Variants in NAA60 observed in about 807,000 individuals in gnomAD.
NAA60 encodes N-alpha-acetyltransferase 60, NatF catalytic subunit, also known as N-alpha-acetyltransferase 60.
A neutral mutation model predicts 26.1 loss-of-function variants in NAA60; 8 were observed. The ratio of observed to expected loss-of-function variants is 0.31; its 90% confidence interval spans 0.18 to 0.55. The LOEUF is 0.55. NAA60 is among the 20% of genes least tolerant of loss of function. The pLI, the probability that NAA60 is intolerant of heterozygous loss-of-function variation, is 0.93. For synonymous variants in NAA60, 131 were observed against 122.5 expected, an observed-to-expected ratio of 1.07 and a Z score of -0.46; for missense variants, 290 against 311.3, an observed-to-expected ratio of 0.93 and a Z score of 0.51.
At position 3,450,686 on chromosome 16, in the gene NAA60, T is replaced by A. The variant is rs372215204; in HGVS notation, c.-7+2146T>A. On this transcript the variant is annotated intron_variant, in intron 2 of 7. Coordinates refer to ENST00000407558, the MANE Select transcript of NAA60 (RefSeq NM_001083601.3). ...CTGCACTCCAGCCTGGGCGACAGAG[T>A]GAGACTCCGTCTCAAAAAAAAAAAA... 2.4e-4 allele frequency among the ~76,000 whole-genome samples: 28 copies of A among 117,488 alleles called. No homozygotes were observed. In the East Asian group the frequency reaches 5.8e-3, roughly 25 times the overall value. 77.1% of individuals were successfully genotyped at this position (117,488 alleles called of 152,430 possible).
intron 2 of NAA60, chr16:3,458,098 C>T: frequency 2.0e-6 from 2 of 985,280 alleles, no homozygotes; most frequent in Non-Finnish European, 2.4e-6. Flanking sequence ...GCGGGCTCCG[C>T]GCGGTCCCAC....
rs1345851013 is a variant in NAA60 at position 3,450,296 on chromosome 16, G to A, written c.-7+1756G>A. 4 of 260,310 alleles carry A rather than the reference G, an allele frequency of 1.5e-5. No individual in the cohort carries two copies. In the Admixed American group the frequency reaches 1.6e-4, roughly 11 times the overall value. 16.1% of individuals were successfully genotyped at this position (260,310 alleles called of 1,614,324 possible). ...GTCAGCAAGCCACAGGGCTTGCCAT[G>A]AAGTGGTTTGTTCATGATTTGTTTC... On this transcript the variant is annotated intron_variant, in intron 2 of 7. Transcript: ENST00000407558.
chr16:3,484,156 G>T (rs1034173842), intron 6 of NAA60, among the ~76,000 whole-genome samples: 4 of 152,060 alleles, frequency 2.6e-5, no homozygotes, highest in African/African-American at 9.7e-5. Flanking sequence ...TCAGAATGTG[G>T]CCCAAAAAAA....
intron 4 of NAA60, among the ~76,000 whole-genome samples, chr16:3,481,206 A>G (rs964674435): frequency 6.6e-6 from 1 of 151,218 alleles, no homozygotes; most frequent in African/African-American, 2.4e-5. Flanking sequence ...GCTCACTGCA[A>G]CCTCCGCCTC....
chr16:3,471,611 G>A (rs1233521921), intron 2 of NAA60, among the ~76,000 whole-genome samples: 1 of 152,184 alleles, frequency 6.6e-6, no homozygotes, highest in African/African-American at 2.4e-5. Context: ...CACTTCCTGG[G>A]TCCAGCTCTC....
chr16:3,457,641 CT>C (rs2035063059), intron 2 of NAA60, among the ~76,000 whole-genome samples: 1 of 152,222 alleles, frequency 6.6e-6, no homozygotes, highest in African/African-American at 2.4e-5. Flanking sequence ...TGTGCACCTG[CT>C]TTCAGTTGTT....
intron 3 of NAA60, among the ~76,000 whole-genome samples, chr16:3,476,998 GC>G (rs1255634634): frequency 6.6e-6 from 1 of 151,854 alleles, no homozygotes; most frequent in Admixed American, 6.6e-5. Flanking sequence ...CCGAGATTGC[GC>G]CATTGCACTC....
At chr16:3,460,151 G>A (rs1426795490) in intron 2 of NAA60, among the ~76,000 whole-genome samples, 1 of 152,176 alleles carries the variant, frequency 6.6e-6, no homozygotes, top group Non-Finnish European at 1.5e-5. Flanking sequence ...AGTTAGGGCA[G>A]TGCATGGCCT....
intron 2 of NAA60, among the ~76,000 whole-genome samples, chr16:3,465,896 G>A (rs1044840134): frequency 5.3e-5 from 8 of 152,176 alleles, no homozygotes; most frequent in African/African-American, 1.7e-4. Context: ...ATGCAATTGC[G>A]ATAAATTAAT....
At chr16:3,479,300 G>C (rs2036680333) in intron 3 of NAA60, among the ~76,000 whole-genome samples, 171 bp from the exon 4 acceptor site, 1 of 152,194 alleles carries the variant, frequency 6.6e-6, no homozygotes, top group Non-Finnish European at 1.5e-5. Context: ...ACTGCTTTAA[G>C]AAGGTGGCTG....
chr16:3,449,554 G>A (rs1005805854), intron 2 of NAA60, among the ~76,000 whole-genome samples: 9 of 151,986 alleles, frequency 5.9e-5, no homozygotes, highest in East Asian at 5.8e-4. Context: ...GCATGGTGGC[G>A]CCCAACTGTA....
At chr16:3,483,310 A>G (rs912985678) in intron 5 of NAA60, 53 bp from the exon 6 acceptor site, 44 of 1,336,132 alleles carry the variant, frequency 3.3e-5, no homozygotes, top group Middle Eastern at 1.8e-4. Flanking sequence ...TAGCCCAGTC[A>G]TCCTTCCTTC....
At chr16:3,484,110 G>C (rs1567402614) in intron 6 of NAA60, among the ~76,000 whole-genome samples, 1 of 152,186 alleles carries the variant, frequency 6.6e-6, no homozygotes, top group Non-Finnish European at 1.5e-5. Flanking sequence ...ACTGGCCCCT[G>C]ACAGGTCAGA....
chr16:3,466,302 G>A (rs2035757639), intron 2 of NAA60, among the ~76,000 whole-genome samples: 1 of 152,254 alleles, frequency 6.6e-6, no homozygotes, highest in African/African-American at 2.4e-5. Flanking sequence ...GAGAGAGGCT[G>A]TTTGGAAATA....
intron 2 of NAA60, among the ~76,000 whole-genome samples, chr16:3,467,509 G>A (rs1382787761): frequency 6.6e-6 from 1 of 152,152 alleles, no homozygotes; most frequent in Non-Finnish European, 1.5e-5. Flanking sequence ...GGAGTCCCCC[G>A]TGGACTTGGG....
intron 3 of NAA60, among the ~76,000 whole-genome samples, chr16:3,476,752 G>T (rs1567392451): frequency 6.6e-6 from 1 of 152,118 alleles, no homozygotes; most frequent in Non-Finnish European, 1.5e-5. Context: ...TTTTGATAGA[G>T]AAATCTTTTT....
intron 2 of NAA60, among the ~76,000 whole-genome samples, chr16:3,468,541 A>G (rs951250694): frequency 6.6e-6 from 1 of 152,140 alleles, no homozygotes; most frequent in Non-Finnish European, 1.5e-5. Context: ...GGTCATTTCC[A>G]TGTAAAAGAA....
chr16:3,485,331 C>CA, intron 7 of NAA60, 136 bp from the exon 8 acceptor site: 1 of 497,058 alleles, frequency 2.0e-6, no homozygotes. Flanking sequence ...TGGCTGCAGG[C>CA]AGACACCATG....
chr16:3,463,266 G>C (rs953857387), intron 2 of NAA60, among the ~76,000 whole-genome samples: 3 of 151,910 alleles, frequency 2.0e-5, no homozygotes, highest in Non-Finnish European at 4.4e-5. Flanking sequence ...TGCAAGCTGA[G>C]GCCGGGCCCG....
Sources: gnomAD v4.1 joint callset for allele counts (sites outside exome capture counted in the v4.1 genomes callset) on GRCh38, gnomAD v4.1.1 for gene constraint, MANE v1.5 for transcripts, NCBI Gene and HGNC (gene_info 2026-07-23, HGNC 2026-07-21) for gene names.